The following ARHGEF3 variants were observed in gnomAD, a reference collection of about 807,000 sequenced individuals.
ARHGEF3 encodes the protein Rho guanine nucleotide exchange factor 3.
In ARHGEF3, 28 loss-of-function variants were observed where a neutral mutation model predicts 63.2. The ratio of observed to expected loss-of-function variants is 0.44; its 90% confidence interval spans 0.33 to 0.61. The LOEUF (loss-of-function observed/expected upper bound fraction) is 0.61. Among genes scored for constraint, ARHGEF3 ranks in the 20% least tolerant of loss-of-function variants. The pLI is 0.03. For missense variants in ARHGEF3, 533 were observed against 659.3 expected (o/e 0.81, Z 2.10); for synonymous variants, 266 against 254.2 (o/e 1.05, Z -0.44).
At chr3:56,792,835 T>C (rs2037155118) in intron 1 of ARHGEF3, among the ~76,000 whole-genome samples, 1 of 151,192 alleles carries the variant, frequency 6.6e-6, no homozygotes, top group Admixed American at 6.6e-5. Context: ...TTTTTTTAAA[T>C]AGAGACAAGG....
At chr3:57,049,833 C>T (rs1704600203) in intron 1 of ARHGEF3, among the ~76,000 whole-genome samples, 1 of 152,220 alleles carries the variant, frequency 6.6e-6, no homozygotes, top group African/African-American at 2.4e-5. Flanking sequence ...CTAGGTGCAG[C>T]CCCCTGACTG....
chr3:56,990,313 A>G (rs1484892151), intron 2 of ARHGEF3, among the ~76,000 whole-genome samples: 3 of 152,216 alleles, frequency 2.0e-5, no homozygotes, highest in African/African-American at 7.2e-5. Flanking sequence ...TGGCTGGGCC[A>G]TGGCTCACGC....
intron 1 of ARHGEF3, among the ~76,000 whole-genome samples, chr3:57,045,424 C>T (rs1184102842): frequency 6.6e-6 from 1 of 152,222 alleles, no homozygotes; most frequent in East Asian, 1.9e-4. Flanking sequence ...GAACAGGACA[C>T]AGTGGTCAGA....
intron 3 of ARHGEF3, 50 bp from the exon 4 acceptor site, chr3:56,753,616 A>G (rs990567804): frequency 1.3e-6 from 2 of 1,549,294 alleles, no homozygotes; most frequent in Non-Finnish European, 1.8e-6. Flanking sequence ...CATTTACAAG[A>G]CCATATTCAA....
intron 1 of ARHGEF3, among the ~76,000 whole-genome samples, chr3:56,782,206 C>A (rs2036595481): frequency 6.6e-6 from 1 of 152,110 alleles, no homozygotes; most frequent in Non-Finnish European, 1.5e-5. Context: ...AGCTAACTGA[C>A]CTGGTGTCAT....
At chr3:56,741,305 C>T (rs2034008062) in intron 7 of ARHGEF3, among the ~76,000 whole-genome samples, 2 of 150,982 alleles carry the variant, frequency 1.3e-5, no homozygotes, top group Non-Finnish European at 2.9e-5. Flanking sequence ...CTTGCCTCAG[C>T]CTCCCGTGTA....
At chr3:56,914,456 C>T (rs755226397) in intron 3 of ARHGEF3, among the ~76,000 whole-genome samples, 1 of 152,150 alleles carries the variant, frequency 6.6e-6, no homozygotes, top group Non-Finnish European at 1.5e-5. Flanking sequence ...TAATGTGGGG[C>T]ATGCAGTAAA....
At chr3:56,744,724 GCTGAGTGAGGATCC>G (rs2034272063) in intron 7 of ARHGEF3, among the ~76,000 whole-genome samples, 1 of 152,018 alleles carries the variant, frequency 6.6e-6, no homozygotes, top group South Asian at 2.1e-4. Flanking sequence ...ACAAACATTT[GCTGAGTGAGGATCC>G]CACTAGTGAG....
chr3:56,886,137 G>C (rs948134852), intron 3 of ARHGEF3, among the ~76,000 whole-genome samples: 8 of 152,206 alleles, frequency 5.3e-5, no homozygotes, highest in Admixed American at 3.9e-4. Context: ...GAGGCTAGCA[G>C]GGCAGACCCA....
At position 56,755,097 on chromosome 3, in the gene ARHGEF3, A is replaced by G. The variant is rs761752975; in HGVS notation, c.259T>C (p.Trp87Arg). 4.7e-5 allele frequency: 76 copies of G among 1,613,912 alleles called. No homozygotes were observed. The highest frequency in any genetic ancestry group is 6.4e-5 in the Non-Finnish European group (75 of 1,180,020). ...CTCGAGGGGGCGGCATTTCTGGACC[A>G]GGGTCGGGGGGCGAGGATGTCAGGG... ...SRPDILAPRP[W>R]SRNAAPSSTK... The change falls in exon 3 of 10, where the codon TGG becomes CGG. Residue 87 changes from tryptophan to arginine, a missense_variant. By Grantham distance (101) the Trp-to-Arg change is moderately radical. Transcript: ENST00000296315.
intron 4 of ARHGEF3, among the ~76,000 whole-genome samples, chr3:56,807,222 C>T (rs1182712326): frequency 2.0e-5 from 3 of 152,058 alleles, no homozygotes; most frequent in Non-Finnish European, 4.4e-5. Flanking sequence ...TTCATCCATC[C>T]GTTCATTCAT....
At chr3:56,914,777 T>C (rs1433094963) in intron 3 of ARHGEF3, among the ~76,000 whole-genome samples, 3 of 152,174 alleles carry the variant, frequency 2.0e-5, no homozygotes, top group African/African-American at 4.8e-5. Context: ...TCTACTTATA[T>C]GAGATACTTA....
chr3:56,877,073 A>G (rs1044617253), intron 4 of ARHGEF3, among the ~76,000 whole-genome samples: 1 of 152,218 alleles, frequency 6.6e-6, no homozygotes, highest in African/African-American at 2.4e-5. Flanking sequence ...AAACCTATTC[A>G]GAGATTGTAA....
intron 4 of ARHGEF3, among the ~76,000 whole-genome samples, chr3:56,880,476 G>C (rs1035687969): frequency 1.6e-5 from 1 of 61,670 alleles, no homozygotes; most frequent in Non-Finnish European, 4.7e-5. Context: ...GTGGTTCTTC[G>C]ATAGAAAGCA....
upstream of ARHGEF3, among the ~76,000 whole-genome samples, chr3:56,802,539 AC>A (rs2037710663): frequency 1.3e-5 from 2 of 152,112 alleles, no homozygotes; most frequent in Admixed American, 1.3e-4. Context: ...CACCCGTATA[AC>A]CACCTCCACA....
At chr3:56,984,110 G>A (rs1017574915) in intron 2 of ARHGEF3, among the ~76,000 whole-genome samples, 2 of 152,028 alleles carry the variant, frequency 1.3e-5, no homozygotes, top group Non-Finnish European at 2.9e-5. Flanking sequence ...TCCCATTGTG[G>A]ATAGCCTCAC....
chr3:56,960,473 T>G (rs1288865729), intron 2 of ARHGEF3: 5 of 152,248 alleles, frequency 3.3e-5, no homozygotes, highest in Admixed American at 3.3e-4. Context: ...TAATACCCTC[T>G]GTGTTGAGTC....
At chr3:56,837,915 A>C (rs1231979608) in intron 4 of ARHGEF3, among the ~76,000 whole-genome samples, 1 of 152,210 alleles carries the variant, frequency 6.6e-6, no homozygotes, top group African/African-American at 2.4e-5. Flanking sequence ...TATTTCTAAC[A>C]CACTGCTAAA....
intron 3 of ARHGEF3, among the ~76,000 whole-genome samples, chr3:56,889,956 G>T (rs2041060193): frequency 6.6e-6 from 1 of 152,010 alleles, no homozygotes; most frequent in East Asian, 1.9e-4. Context: ...TAGCTATCCA[G>T]AAGGCTGAGG....
Sources: gnomAD v4.1 joint callset for allele counts (sites outside exome capture counted in the v4.1 genomes callset) on GRCh38, gnomAD v4.1.1 for gene constraint, MANE v1.5 for transcripts, NCBI Gene and HGNC (gene_info 2026-07-23, HGNC 2026-07-21) for gene names.